SLC12A7: variants seen among roughly 807,000 people sequenced by gnomAD.
SLC12A7 encodes the protein K-Cl cotransporter 4.
In SLC12A7, 100 loss-of-function variants were observed where a neutral mutation model predicts 120.6. The ratio of observed to expected loss-of-function variants is 0.83; its 90% CI spans 0.71 to 0.98. SLC12A7 has a LOEUF of 0.98. Among genes scored for constraint, SLC12A7 ranks in the 50% least tolerant of loss-of-function variants. The pLI is 0.00. For missense variants in SLC12A7, 1,373 were observed against 1,548.1 expected (o/e 0.89, Z 1.90); for synonymous variants, 760 against 678.0 (o/e 1.12, Z -1.88).
intron 1 of SLC12A7, among the ~76,000 whole-genome samples, chr5:1,107,750 G>A (rs751908645): frequency 5.9e-5 from 9 of 152,182 alleles, no homozygotes; most frequent in Non-Finnish European, 8.8e-5. Flanking sequence ...CGTGGAATCC[G>A]TTTGGCCTCG....
upstream of SLC12A7, chr5:1,112,124 C>G (rs558942721): frequency 9.7e-6 from 10 of 1,028,920 alleles, no homozygotes; most frequent in South Asian, 4.5e-4. Flanking sequence ...GTGACTTCAC[C>G]TGCTTGCCCC....
intron 7 of SLC12A7, 72 bp downstream of exon 7, chr5:1,085,160 G>T (rs1739677874): frequency 1.3e-5 from 20 of 1,564,628 alleles, no homozygotes; most frequent in Non-Finnish European, 1.6e-5. Flanking sequence ...TGATGGACGA[G>T]AGGCGGGCAG....
intron 22 of SLC12A7, among the ~76,000 whole-genome samples, chr5:1,055,718 CTGTGCA>C (rs1735541681): frequency 6.6e-6 from 1 of 152,202 alleles, no homozygotes; most frequent in Non-Finnish European, 1.5e-5. Flanking sequence ...GTGTGTGTGC[CTGTGCA>C]TGTGTGTGTC....
At position 1,058,305 on chromosome 5, in the gene SLC12A7, T is replaced by C. The variant is rs556739916; in HGVS notation, c.2848-656A>G. ...GCACCAATGGCGCAGCCCCTGGTGG[T>C]TAAACACCCTCCACTGGGTTCTCAT... On this transcript the variant is annotated intron_variant, in intron 21 of 23. Coordinates refer to ENST00000264930, the MANE Select transcript of SLC12A7 (RefSeq NM_006598.3). Among the ~76,000 whole-genome samples, 122 of 152,332 alleles carry C rather than the reference T, an allele frequency of 8.0e-4. 2 individuals carry two copies. Among genetic ancestry groups the C allele is most frequent in the African/African-American group, 2.7e-3 (112 of 41,580 alleles).
At chr5:1,110,036 C>G (rs890216036) in intron 1 of SLC12A7, among the ~76,000 whole-genome samples, 1 of 152,230 alleles carries the variant, frequency 6.6e-6, no homozygotes, top group African/African-American at 2.4e-5. Flanking sequence ...CCTCCTTCCC[C>G]AGGCTCCGTG....
Position 1,081,668 on chromosome 5 carries a change from C to A in SLC12A7, c.1206G>T (p.Glu402Asp). Residue 402 changes from glutamate to aspartate, a missense_variant, in exon 9 of 24, where the codon GAG (glutamate) becomes GAT (aspartate). Transcript: ENST00000264930. ...AGGGCAGTGCGCTGGCACGGCTCTC[C>A]TCTGCCACGGGCACCGAGGGCACAC... ...KKGVPSVPVAEESRASALPYV... is the reference protein window; with the variant it reads ...KKGVPSVPVADESRASALPYV... 1 of 1,613,140 alleles carries A rather than the reference C, an allele frequency of 6.2e-7. No individual in the cohort carries two copies. Among genetic ancestry groups the A allele is most frequent in the Non-Finnish European group, 8.5e-7 (1 of 1,179,982 alleles).
the SLC12A7 span, among the ~76,000 whole-genome samples, chr5:1,126,434 C>G: frequency 1.3e-5 from 2 of 152,186 alleles, no homozygotes; most frequent in Admixed American, 6.5e-5. Context: ...ATGTTACTCA[C>G]TTTTTAAAAC....
intron 1 of SLC12A7, among the ~76,000 whole-genome samples, chr5:1,111,004 C>A (rs927369615): frequency 1.5e-4 from 23 of 152,354 alleles, no homozygotes; most frequent in South Asian, 2.1e-4. Flanking sequence ...CACCTTCCTT[C>A]CACTGCCAGG....
intron 3 of SLC12A7, among the ~76,000 whole-genome samples, chr5:1,089,452 C>T (rs1403972306): frequency 6.6e-6 from 1 of 152,050 alleles, no homozygotes; most frequent in African/African-American, 2.4e-5. Flanking sequence ...AACGAGAGGG[C>T]CCCCGGCTCC....
At chr5:1,082,977 CT>C (rs1739373680) in intron 8 of SLC12A7, among the ~76,000 whole-genome samples, 3 of 93,144 alleles carry the variant, frequency 3.2e-5, no homozygotes, top group East Asian at 3.0e-4. Flanking sequence ...GGCTTCCTCT[CT>C]AGGGTTCTGG....
intron 3 of SLC12A7, among the ~76,000 whole-genome samples, chr5:1,090,888 G>A (rs1008915669): frequency 1.3e-5 from 2 of 152,216 alleles, no homozygotes; most frequent in Admixed American, 1.3e-4. Flanking sequence ...GGAGATGCCT[G>A]GGCCCTTGAA....
At chr5:1,098,763 C>G (rs1741663664) in intron 1 of SLC12A7, among the ~76,000 whole-genome samples, 1 of 118,670 alleles carries the variant, frequency 8.4e-6, no homozygotes, top group African/African-American at 3.0e-5. Flanking sequence ...ACCCAGCCCC[C>G]CTCTAACCCT....
At chr5:1,086,666 C>T (rs1467876366) in intron 6 of SLC12A7, among the ~76,000 whole-genome samples, 1 of 152,242 alleles carries the variant, frequency 6.6e-6, no homozygotes, top group Non-Finnish European at 1.5e-5. Context: ...CAGCTCATGC[C>T]AGGCACGCCT....
At chr5:1,084,104 C>A in intron 7 of SLC12A7, 148 bp from the exon 8 acceptor site, 1 of 674,914 alleles carries the variant, frequency 1.5e-6, no homozygotes, top group Non-Finnish European at 2.6e-6. Context: ...CCACAGATCA[C>A]GCCAGGGACC....
Position 1,084,790 on chromosome 5 carries a change from C to T in SLC12A7, c.917+442G>A, listed in dbSNP as rs540606394. Among the ~76,000 whole-genome samples, 4 of 152,254 alleles carry T rather than the reference C, an allele frequency of 2.6e-5. No individual in the cohort carries two copies. In the East Asian group the frequency reaches 7.7e-4, roughly 29 times the overall value. On this transcript the variant is annotated intron_variant, in intron 7 of 23. Coordinates refer to ENST00000264930, the MANE Select transcript of SLC12A7 (RefSeq NM_006598.3). ...CCTGCTCCCTGCGGGCTCTGGTGGC[C>T]ACTCCCATGTTCCAGGACCCTGGGC...
At position 1,063,933 on chromosome 5, in the gene SLC12A7, C is replaced by T; in HGVS notation, c.2650G>A (p.Val884Met). The stretch of plus-strand genomic sequence containing the variant: ...TTCATCTGGATGCTGTTGTCGTCCA[C>T]CTGGGCCACGGTGAAGATACGCATC... ...CRMRIFTVAQVDDNSIQMKKD... is the reference protein window; with the variant it reads ...CRMRIFTVAQMDDNSIQMKKD... Residue 884 changes from valine to methionine, a missense_variant, in exon 20 of 24, where the codon GTG (valine) becomes ATG (methionine). Coordinates refer to ENST00000264930, the MANE Select transcript of SLC12A7 (RefSeq NM_006598.3). The T allele has an allele frequency of 6.2e-7, 1 of 1,612,688 alleles. No homozygotes were observed. The highest frequency in any genetic ancestry group is 8.5e-7 in the Non-Finnish European group (1 of 1,179,856).
the SLC12A7 span, among the ~76,000 whole-genome samples, chr5:1,154,934 G>A: frequency 1.3e-5 from 2 of 152,328 alleles, no homozygotes; most frequent in Non-Finnish European, 2.9e-5. Context: ...ATCTGTCCTC[G>A]GGGCCCACGA....
At chr5:1,082,402 G>T (rs1240557949) in intron 8 of SLC12A7, among the ~76,000 whole-genome samples, 2 of 94,618 alleles carry the variant, frequency 2.1e-5, no homozygotes, top group Non-Finnish European at 4.6e-5. Context: ...CAGGCTTCCC[G>T]TCTCGGGTTC....
the SLC12A7 span, among the ~76,000 whole-genome samples, chr5:1,153,243 C>G: frequency 7.2e-5 from 11 of 152,164 alleles, no homozygotes; most frequent in African/African-American, 2.2e-4. Context: ...AGCCCAGCCT[C>G]CAAGCACCCA....
Sources: allele counts gnomAD v4.1 joint callset (sites outside exome capture counted in the v4.1 genomes callset), GRCh38; gene constraint gnomAD v4.1.1; transcripts MANE v1.5; gene names NCBI Gene and HGNC (gene_info 2026-07-23, HGNC 2026-07-21).